Variants in TEAD1 observed in about 807,000 individuals in gnomAD.
The protein encoded by TEAD1 is transcriptional enhancer factor TEF-1.
Under a neutral mutation model 54.9 loss-of-function variants are expected in TEAD1, and 9 were observed. The observed-to-expected ratio is 0.16, with a 90% CI of 0.10 to 0.29. The LOEUF (loss-of-function observed/expected upper bound fraction) is 0.29, where lower values mean the gene tolerates loss of function less well. Among genes scored for constraint, TEAD1 ranks in the 10% least tolerant of loss-of-function variants. The pLI, the probability that TEAD1 is intolerant of heterozygous loss-of-function variation, is 1.00. For missense variants in TEAD1, 387 were observed against 535.9 expected, an observed-to-expected ratio of 0.72 and a Z score of 2.74; for synonymous variants, 200 against 187.8, an observed-to-expected ratio of 1.07 and a Z score of -0.53.
intron 12 of TEAD1, among the ~76,000 whole-genome samples, chr11:12,933,425 T>C (rs1293413976): frequency 6.6e-6 from 1 of 152,232 alleles, no homozygotes; most frequent in Non-Finnish European, 1.5e-5. Context: ...TAAAATGACA[T>C]AGTATTTGCA....
rs543057011 is a variant in TEAD1, at chr11:12,883,077, C to T, written c.651C>T (p.Arg217=). The change falls in exon 9 of 13, where the codon CGC becomes CGT. Residue 217 remains arginine (R), a synonymous_variant. Transcript: ENST00000527636. ...GCTCCATTGGCACAACCAAGCTTCGCCTGGTGGAATTTTCAGCTTTTCTCG... is the reference window on the plus strand; with the variant it reads ...GCTCCATTGGCACAACCAAGCTTCGTCTGGTGGAATTTTCAGCTTTTCTCG... 1.9e-6 allele frequency: 3 copies of T among 1,614,196 alleles called. No individual in the cohort carries two copies. The highest frequency in any genetic ancestry group is 4.5e-5 in the East Asian group (2 of 44,880).
At chr11:12,713,721 G>A (rs1943991462) in intron 2 of TEAD1, among the ~76,000 whole-genome samples, 2 of 152,210 alleles carry the variant, frequency 1.3e-5, no homozygotes, top group African/African-American at 4.8e-5. Context: ...GTACAGTGAT[G>A]CTAGGGTTAG....
chr11:12,771,169 G>A (rs780452579), intron 3 of TEAD1, among the ~76,000 whole-genome samples: 7 of 152,326 alleles, frequency 4.6e-5, no homozygotes, highest in Non-Finnish European at 7.3e-5. Context: ...CAGCCCTGAT[G>A]TGCTTAGAAA....
intron 2 of TEAD1, among the ~76,000 whole-genome samples, chr11:12,704,407 C>G (rs1943769092): frequency 6.6e-6 from 1 of 152,254 alleles, no homozygotes; most frequent in African/African-American, 2.4e-5. Context: ...TCTTCTGTCT[C>G]AGCCACTTGC....
At chr11:12,913,252 C>A (rs572587328) in intron 10 of TEAD1, among the ~76,000 whole-genome samples, 4 of 152,058 alleles carry the variant, frequency 2.6e-5, no homozygotes, top group Non-Finnish European at 5.9e-5. Flanking sequence ...TCCTACCCCC[C>A]AGTCCACCCC....
intron 8 of TEAD1, 86 bp downstream of exon 8, chr11:12,882,043 A>G: frequency 6.8e-7 from 1 of 1,465,816 alleles, no homozygotes; most frequent in African/African-American, 1.4e-5. Flanking sequence ...GAGTCAAGAG[A>G]TGCTCAACTT....
At chr11:12,706,411 A>T (rs1943815665) in intron 2 of TEAD1, among the ~76,000 whole-genome samples, 1 of 152,260 alleles carries the variant, frequency 6.6e-6, no homozygotes, top group Non-Finnish European at 1.5e-5. Context: ...CTTATCTGTG[A>T]ATCAGAATTT....
intron 5 of TEAD1, among the ~76,000 whole-genome samples, chr11:12,878,662 C>T (rs1200274161): frequency 1.3e-5 from 2 of 152,006 alleles, no homozygotes; most frequent in African/African-American, 4.8e-5. Flanking sequence ...GTTGGGTGCC[C>T]TTCTCAATCA....
intron 5 of TEAD1, among the ~76,000 whole-genome samples, chr11:12,871,043 AG>A (rs1367201090): frequency 6.6e-6 from 1 of 152,166 alleles, no homozygotes; most frequent in East Asian, 1.9e-4. Flanking sequence ...ACTGCTCTCA[AG>A]GGGGTAGGTT....
chr11:12,807,636 T>A (rs1389356624), intron 3 of TEAD1, among the ~76,000 whole-genome samples: 1 of 152,256 alleles, frequency 6.6e-6, no homozygotes, highest in Non-Finnish European at 1.5e-5. Context: ...CACTATTAGC[T>A]CACTTGTGTA....
At chr11:12,719,059 C>G (rs573463368) in intron 2 of TEAD1, among the ~76,000 whole-genome samples, 1 of 151,572 alleles carries the variant, frequency 6.6e-6, no homozygotes, top group Admixed American at 6.6e-5. Flanking sequence ...TGGTTGGTTT[C>G]TGGGATTCCC....
At chr11:12,734,572 A>G (rs1300867668) in intron 2 of TEAD1, among the ~76,000 whole-genome samples, 1 of 152,248 alleles carries the variant, frequency 6.6e-6, no homozygotes, top group African/African-American at 2.4e-5. Flanking sequence ...ATTTATGGGA[A>G]GTGCCCTATG....
intron 3 of TEAD1, among the ~76,000 whole-genome samples, chr11:12,784,229 G>A (rs1945627016): frequency 2.0e-5 from 3 of 152,158 alleles, no homozygotes; most frequent in Admixed American, 2.0e-4. Context: ...CTGCATGGAT[G>A]GCAGTGCCAT....
At position 12,698,838 on chromosome 11, in the gene TEAD1, A is replaced by G. The variant is rs1205482610; in HGVS notation, c.-55+23277A>G. Among the ~76,000 whole-genome samples the G allele has an allele frequency of 2.6e-5, 4 of 152,182 alleles. No homozygotes were observed. In the East Asian group the frequency reaches 7.7e-4, roughly 29 times the overall value. On this transcript the variant is annotated intron_variant, in intron 2 of 12. Transcript: ENST00000527636. Reference sequence around the variant, plus strand: ...GCATTGCTATAAGATGCTTCAGGGAAACTTCAGGGAGTGTAGCTGGGGTAA... The same window carrying G: ...GCATTGCTATAAGATGCTTCAGGGAGACTTCAGGGAGTGTAGCTGGGGTAA...
intron 2 of TEAD1, among the ~76,000 whole-genome samples, chr11:12,723,446 C>G (rs1022518387): frequency 1.3e-5 from 2 of 152,118 alleles, no homozygotes; most frequent in Non-Finnish European, 2.9e-5. Context: ...TAACAAAAAC[C>G]AAACCCAGAA....
chr11:12,862,376 G>A, intron 4 of TEAD1, 62 bp downstream of exon 4: 1 of 1,484,826 alleles, frequency 6.7e-7, no homozygotes, highest in Admixed American at 1.7e-5. Context: ...CATTTTGGCT[G>A]CAGTGGCTGG....
At position 12,914,886 on chromosome 11, in the gene TEAD1, G is replaced by A. The variant is rs371855309; in HGVS notation, c.874-10026G>A. On this transcript the variant is annotated intron_variant, in intron 10 of 12. Transcript: ENST00000527636. ...GCCACAGGGCCCAGCTCCCAGCACC[G>A]CCTGCCAAGGAGCCAGATGCTACCA... 6.6e-5 allele frequency among the ~76,000 whole-genome samples: 10 copies of A among 152,380 alleles called. No individual in the cohort carries two copies. In the East Asian group the frequency reaches 1.9e-3, roughly 29 times the overall value.
At chr11:12,767,022 T>A (rs1282295831) in intron 3 of TEAD1, among the ~76,000 whole-genome samples, 1 of 152,104 alleles carries the variant, frequency 6.6e-6, no homozygotes, top group African/African-American at 2.4e-5. Flanking sequence ...TACTGCTACC[T>A]TGGAAGGGAA....
intron 10 of TEAD1, 63 bp downstream of exon 10, chr11:12,902,176 G>A (rs1948436208): frequency 1.9e-6 from 3 of 1,590,924 alleles, no homozygotes; most frequent in African/African-American, 1.3e-5. Flanking sequence ...TCTTACATGA[G>A]CACAGTGCAG....
Sources: allele counts gnomAD v4.1 joint callset (sites outside exome capture counted in the v4.1 genomes callset), GRCh38; gene constraint gnomAD v4.1.1; transcripts MANE v1.5; gene names NCBI Gene and HGNC (gene_info 2026-07-23, HGNC 2026-07-21).